Variants in SCAF8 observed in about 807,000 individuals in gnomAD.
The protein encoded by SCAF8 is SR-related and CTD-associated factor 8.
SCAF8 carries 23 observed loss-of-function variants against 140.5 expected under a neutral mutation model. That is an observed-to-expected ratio of 0.16 (90% confidence interval 0.12 to 0.23). The LOEUF (loss-of-function observed/expected upper bound fraction) is 0.23. SCAF8 is among the 10% of genes least tolerant of loss of function. The pLI is 1.00. For synonymous variants in SCAF8, 575 were observed against 528.9 expected, an observed-to-expected ratio of 1.09 and a Z score of -1.20; for missense variants, 1,397 against 1,555.7, an observed-to-expected ratio of 0.90 and a Z score of 1.72.
intron 2 of SCAF8, 27 bp from the exon 3 acceptor site, chr6:154,777,973 AC>A: frequency 7.1e-7 from 1 of 1,412,362 alleles, no homozygotes; most frequent in Non-Finnish European, 1.0e-6. Context: ...TGATTTTAAA[AC>A]CATACTTCAT....
At chr6:154,795,363 G>A (rs906573794) in intron 6 of SCAF8, among the ~76,000 whole-genome samples, 3 of 151,974 alleles carry the variant, frequency 2.0e-5, no homozygotes, top group African/African-American at 7.3e-5. Context: ...ACCAAAATAC[G>A]GAATTAGCAC....
In SCAF8 at chr6:154,831,703, T is replaced by TAAAAAAAAAAAAAA. The variant is rs58013583; in HGVS notation, c.2360-210_2360-197dup. ...CCTTTTAAACCTCCACTCCTGTTCT[T>TAAAAAAAAAAAAAA]AAAAAAAAAAAAAAAAAAAAAAAAA... is the stretch of plus-strand genomic sequence containing the variant. On this transcript the variant is annotated intron_variant, in intron 19 of 19. Transcript: ENST00000367178. 4.6e-4 allele frequency among the ~76,000 whole-genome samples: 22 copies of TAAAAAAAAAAAAAA among 48,092 alleles called. 1 individual carries two copies. The highest frequency in any genetic ancestry group is 1.4e-3 in the African/African-American group (20 of 14,216). The allele number at this position is 48,092 out of a possible 152,430, so 31.6% of individuals were successfully genotyped here. A position where few individuals can be genotyped will look rare whatever the true frequency, so the allele number is the denominator to read the frequency against.
chr6:154,831,865 T>C, intron 19 of SCAF8, 74 bp from the exon 20 acceptor site: 1 of 1,270,082 alleles, frequency 7.9e-7, no homozygotes, highest in South Asian at 1.5e-5. Flanking sequence ...GGGATACAAG[T>C]AGCTGATTAA....
rs138768531 is a variant in SCAF8, at chr6:154,792,965, G to A, written c.464G>A (p.Ser155Asn). The A allele has an allele frequency of 1.3e-4, 207 of 1,611,422 alleles. No homozygotes were observed. The highest frequency in any genetic ancestry group is 1.6e-4 in the Non-Finnish European group (193 of 1,179,084). ...TTGGCCAGCACTACCACTGCTATGAGCAATACTCCAGGTATGTTGCTTTAA... is the reference window on the plus strand; with the variant it reads ...TTGGCCAGCACTACCACTGCTATGAACAATACTCCAGGTATGTTGCTTTAA... ...PVLASTTTAM[S>N]NTPGTPVTPV... Residue 155 changes from serine to asparagine, a missense_variant, in exon 5 of 20, where the codon AGC becomes AAC. Around this residue, in one of 5 missense-constraint regions of SCAF8, gnomAD observed 339 missense variants for 407.5 expected, o/e 0.83. Coordinates refer to ENST00000367178, the MANE Select transcript of SCAF8 (RefSeq NM_014892.5).
chr6:154,779,804 CT>C (rs1232046887), intron 3 of SCAF8, among the ~76,000 whole-genome samples: 100 of 144,454 alleles, frequency 6.9e-4, no homozygotes, highest in African/African-American at 1.8e-3. Context: ...TATATATACA[CT>C]TTTTTTTTAT....
chr6:154,743,875 T>G (rs1263041784), intron 1 of SCAF8, among the ~76,000 whole-genome samples: 1 of 152,254 alleles, frequency 6.6e-6, no homozygotes, highest in Non-Finnish European at 1.5e-5. Context: ...GAATAAGTAA[T>G]TTTGTTTTTT....
intron 1 of SCAF8, among the ~76,000 whole-genome samples, chr6:154,771,498 T>C (rs528345886): frequency 2.6e-5 from 4 of 152,296 alleles, no homozygotes; most frequent in African/African-American, 9.6e-5. Context: ...GCCTTAAATA[T>C]ACAGGTTTTT....
In SCAF8 at chr6:154,818,381, T is replaced by C. The variant is rs1000721859; in HGVS notation, c.1522-98T>C. On this transcript the variant is annotated intron_variant, in intron 13 of 19. Transcript: ENST00000367178. ...AGTCAGTAATCTATCAGAATTGAAGTATTAGTAAGTAGTCAATGTTTTGTG... is the reference window on the plus strand; with the variant it reads ...AGTCAGTAATCTATCAGAATTGAAGCATTAGTAAGTAGTCAATGTTTTGTG... 2.6e-5 allele frequency: 13 copies of C among 495,106 alleles called. No homozygotes were observed. In the Admixed American group the frequency reaches 5.2e-4, roughly 20 times the overall value. The allele number at this position is 495,106 out of a possible 1,614,324, so 30.7% of individuals were successfully genotyped here. A position where few individuals can be genotyped will look rare whatever the true frequency, so the allele number is the denominator to read the frequency against.
chr6:154,753,798 C>T (rs926353784), intron 1 of SCAF8, among the ~76,000 whole-genome samples: 1 of 151,972 alleles, frequency 6.6e-6, no homozygotes, highest in Non-Finnish European at 1.5e-5. Flanking sequence ...GGAATGAGAC[C>T]TTTTAATAGT....
At chr6:154,785,385 A>T (rs1562444786) in intron 3 of SCAF8, among the ~76,000 whole-genome samples, 1 of 152,184 alleles carries the variant, frequency 6.6e-6, no homozygotes, top group East Asian at 1.9e-4. Flanking sequence ...CAGGATATGC[A>T]TTTCTTCACC....
rs554840188 is a variant in SCAF8 at position 154,785,015 on chromosome 6, G to A, written c.160-2846G>A. ...GTAACCAGTTTGAATTTTGTGTCACGTCCTTGCTTGACATTATAGTTTTAC... is the reference window on the plus strand; with the variant it reads ...GTAACCAGTTTGAATTTTGTGTCACATCCTTGCTTGACATTATAGTTTTAC... On this transcript the variant is annotated intron_variant, in intron 3 of 19. Coordinates refer to ENST00000367178, the MANE Select transcript of SCAF8 (RefSeq NM_014892.5). Among the ~76,000 whole-genome samples the A allele has an allele frequency of 1.7e-4, 26 of 152,222 alleles. No individual in the cohort carries two copies. The East Asian group carries it at 4.6e-3, about 27-fold the overall frequency.
intron 1 of SCAF8, among the ~76,000 whole-genome samples, chr6:154,749,584 G>C (rs1778790298): frequency 6.6e-6 from 1 of 152,172 alleles, no homozygotes; most frequent in Non-Finnish European, 1.5e-5. Context: ...TATAGTTTGT[G>C]TACACTGTGA....
chr6:154,738,195 C>CAAA (rs555772506), intron 1 of SCAF8, among the ~76,000 whole-genome samples: 2 of 119,544 alleles, frequency 1.7e-5, no homozygotes, highest in African/African-American at 6.2e-5. Flanking sequence ...GACTCTGCTT[C>CAAA]AAAAAAAAAA....
At position 154,805,764 on chromosome 6, in the gene SCAF8, T is replaced by A. The variant is rs139521368; in HGVS notation, c.981+278T>A. Among the ~76,000 whole-genome samples, 85 of 152,202 alleles carry A rather than the reference T, an allele frequency of 5.6e-4. No homozygotes were observed. In the East Asian group the frequency reaches 0.015, roughly 26 times the overall value. ...ATGAATGCACATTGTAGAAATTAATTTCAGTGTACTGGAAGTAGAGAACAG... is the reference window on the plus strand; with the variant it reads ...ATGAATGCACATTGTAGAAATTAATATCAGTGTACTGGAAGTAGAGAACAG... On this transcript the variant is annotated intron_variant, in intron 9 of 19. Coordinates refer to ENST00000367178, the MANE Select transcript of SCAF8 (RefSeq NM_014892.5).
intron 5 of SCAF8, 80 bp downstream of exon 5, chr6:154,793,056 C>G (rs1401296719): frequency 6.9e-6 from 8 of 1,165,982 alleles, no homozygotes; most frequent in African/African-American, 1.6e-5. Flanking sequence ...AAAAATAATT[C>G]GACAGTGCAG....
At chr6:154,778,879 G>C (rs1290119918) in intron 3 of SCAF8, among the ~76,000 whole-genome samples, 1 of 151,740 alleles carries the variant, frequency 6.6e-6, no homozygotes, top group Admixed American at 6.6e-5. Context: ...TGAATAACAA[G>C]TATGCTGTCT....
chr6:154,784,120 G>GATATATATGTGTGTATATATATAT (rs1554260630), intron 3 of SCAF8, among the ~76,000 whole-genome samples: 1 of 106,832 alleles, frequency 9.4e-6, no homozygotes, highest in African/African-American at 3.2e-5. Context: ...GGTGTCTTGA[G>GATATATATGTGTGTATATATATAT]ATATATATAT....
Position 154,824,249 on chromosome 6 carries a change from G to C in SCAF8, c.1942G>C (p.Ala648Pro), listed in dbSNP as rs1778500420. The C allele has an allele frequency of 6.2e-7, 1 of 1,613,890 alleles. No homozygotes were observed. Among genetic ancestry groups the C allele is most frequent in the Non-Finnish European group, 8.5e-7 (1 of 1,179,842 alleles). Residue 648 changes from alanine to proline, a missense_variant, in exon 17 of 20, where the codon GCC becomes CCC. Coordinates refer to ENST00000367178, the MANE Select transcript of SCAF8 (RefSeq NM_014892.5). The stretch of plus-strand genomic sequence containing the variant: ...TCCACAAAAGATTCCAGTGGCGCCA[G>C]CCGTGCCTACAGTTAGTTTAGTCCC... ...VAMLQIPVAP[A>P]VPTVSLVPPA...
At chr6:154,826,905 C>T (rs1778581841) in intron 17 of SCAF8, among the ~76,000 whole-genome samples, 1 of 152,056 alleles carries the variant, frequency 6.6e-6, no homozygotes, top group Middle Eastern at 3.2e-3. Context: ...TTTGATTTTA[C>T]AGCACCATAG....
Sources: gnomAD v4.1 joint callset for allele counts (sites outside exome capture counted in the v4.1 genomes callset) on GRCh38, gnomAD v4.1.1 for gene constraint, gnomAD v4.1.1 regional missense constraint, MANE v1.5 for transcripts, NCBI Gene and HGNC (gene_info 2026-07-23, HGNC 2026-07-21) for gene names.